ZNF717: variants seen among roughly 807,000 people sequenced by gnomAD.
ZNF717 encodes the protein krueppel-like factor X17.
In ZNF717, 9 loss-of-function variants were observed where a neutral mutation model predicts 13.8. That is an observed-to-expected ratio of 0.65 (90% CI 0.39 to 1.14). The LOEUF is 1.14. ZNF717 is among the 50% of genes most tolerant of loss of function. The pLI, the probability that ZNF717 is intolerant of heterozygous loss-of-function variation, is 0.01. For synonymous variants in ZNF717, 327 were observed against 364.1 expected (o/e 0.90, Z 1.16); for missense variants, 1,040 against 1,080.7 (o/e 0.96, Z 0.53).
chr3:75,782,030 C>T lies in ZNF717; in HGVS notation c.57+1276G>A, dbSNP rs61186626. ...TATCCGGGGCCGAGAGAATTTCGTG[C>T]GTTAGCCATCTCTCAGTCGCTGGCT... On this transcript the variant is annotated intron_variant, in intron 2 of 4. Coordinates refer to ENST00000652011, the MANE Select transcript of ZNF717 (RefSeq NM_001290208.3). 5.9e-5 allele frequency among the ~76,000 whole-genome samples: 9 copies of T among 152,024 alleles called. No homozygotes were observed. In the South Asian group the frequency reaches 1.5e-3, roughly 25 times the overall value.
intron 2 of ZNF717, among the ~76,000 whole-genome samples, chr3:75,753,501 G>A (rs1268019603): frequency 7.1e-6 from 1 of 140,810 alleles, no homozygotes; most frequent in African/African-American, 2.7e-5. Context: ...CTGAATATCT[G>A]TCCGTTACAT....
chr3:75,742,339 A>AG (rs1553665247), intron 2 of ZNF717, among the ~76,000 whole-genome samples: 2,401 of 136,666 alleles, frequency 0.018, 23 homozygotes, highest in East Asian at 0.03. Context: ...AAAAAAAAAA[A>AG]GAATAAAATT....
chr3:75,726,601 G>C, downstream of ZNF717, among the ~76,000 whole-genome samples: 1 of 152,262 alleles, frequency 6.6e-6, no homozygotes, highest in Non-Finnish European at 1.5e-5. Flanking sequence ...CAGTCCCAAG[G>C]ACACAAAGAA....
chr3:75,708,641 A>T (rs6806273), downstream of ZNF717, among the ~76,000 whole-genome samples: 6 of 152,220 alleles, frequency 3.9e-5, no homozygotes, highest in African/African-American at 1.4e-4. Context: ...AGTTGAGAGA[A>T]GAAGGATCCA....
chr3:75,726,080 T>C (rs1938273215), downstream of ZNF717, among the ~76,000 whole-genome samples: 1 of 152,258 alleles, frequency 6.6e-6, no homozygotes, highest in East Asian at 1.9e-4. Flanking sequence ...TTTCATCAAT[T>C]CGTGTCATTA....
At chr3:75,765,688 G>A (rs1486683723) in intron 2 of ZNF717, among the ~76,000 whole-genome samples, 3 of 152,020 alleles carry the variant, frequency 2.0e-5, no homozygotes, top group Non-Finnish European at 2.9e-5. Flanking sequence ...CTGAGATTAC[G>A]AGCATGAGCC....
downstream of ZNF717, among the ~76,000 whole-genome samples, chr3:75,734,720 C>T (rs773935586): frequency 2.5e-3 from 295 of 116,196 alleles, no homozygotes; most frequent in Admixed American, 3.2e-3. Context: ...CAGGCATAAG[C>T]CACCGTACCT....
At chr3:75,783,455 T>C (rs1170155808) in intron 1 of ZNF717, 91 bp from the exon 2 acceptor site, 49 of 1,010,478 alleles carry the variant, frequency 4.8e-5, no homozygotes, top group Admixed American at 1.4e-4. Flanking sequence ...ACACATTACC[T>C]GGAAAAGCCC....
At chr3:75,702,615 GT>G (rs1937718343) in intron 6 of ZNF717, among the ~76,000 whole-genome samples, 1 of 152,308 alleles carries the variant, frequency 6.6e-6, no homozygotes. Context: ...AACTAAAAGA[GT>G]ATAATTGGAT....
chr3:75,733,674 G>A (rs1230153847), downstream of ZNF717, among the ~76,000 whole-genome samples: 2 of 149,272 alleles, frequency 1.3e-5, no homozygotes, highest in Admixed American at 6.8e-5. Context: ...AGCTACTCGG[G>A]AGGCTGAGGC....
chr3:75,757,675 T>C (rs6789355), intron 2 of ZNF717, among the ~76,000 whole-genome samples: 25,388 of 152,196 alleles, frequency 0.17, 2,103 homozygotes, highest in African/African-American at 0.18. Context: ...TTAAAAAATA[T>C]ATTTCATAAA....
intron 1 of ZNF717, among the ~76,000 whole-genome samples, chr3:75,784,567 C>A (rs1440431059): frequency 4.6e-5 from 7 of 152,152 alleles, no homozygotes; most frequent in African/African-American, 1.4e-4. Context: ...TTAATCTTCT[C>A]AGGTATGACA....
exon 6 of ZNF717, chr3:75,709,935 AG>A (rs1340375472): frequency 4.0e-5 from 6 of 151,854 alleles, no homozygotes; most frequent in African/African-American, 1.5e-4. Context: ...ACATTGAGGC[AG>A]GGGGTAATTG....
At chr3:75,752,407 G>A (rs111854819) in intron 2 of ZNF717, among the ~76,000 whole-genome samples, 2 of 107,726 alleles carry the variant, frequency 1.9e-5, no homozygotes, top group Non-Finnish European at 4.4e-5. Flanking sequence ...GGGCCTAAAT[G>A]TCTGTCCCTC....
At position 75,738,230 on chromosome 3, in the gene ZNF717, T is replaced by C. The variant is rs1293399078; in HGVS notation, c.1393A>G (p.Asn465Asp). ...ECGKPFINKS[N>D]LRLHQRTHTG... ...TGAGTTCTCTGATGTAACCTGAGGT[T>C]TGACTTATTGATAAAGGGTTTTCCA... Residue 465 changes from asparagine to aspartate, a missense_variant, in exon 5 of 5, where the codon AAC (asparagine) becomes GAC (aspartate). Physicochemically the swap from Asn to Asp is conservative, Grantham distance 23. Transcript: ENST00000652011. 1.1e-5 allele frequency: 17 copies of C among 1,544,098 alleles called. No homozygotes were observed. The highest frequency in any genetic ancestry group is 1.5e-5 in the Non-Finnish European group (17 of 1,139,896).
chr3:75,767,266 C>CAG (rs1943552923), intron 2 of ZNF717, among the ~76,000 whole-genome samples: 13 of 151,624 alleles, frequency 8.6e-5, no homozygotes, highest in Middle Eastern at 3.4e-3. Context: ...AGTGAGCCAC[C>CAG]CTGCACACCA....
intron 2 of ZNF717, among the ~76,000 whole-genome samples, chr3:75,770,366 C>A (rs1943793461): frequency 6.6e-6 from 1 of 152,104 alleles, no homozygotes; most frequent in Non-Finnish European, 1.5e-5. Flanking sequence ...TTCGAGACCA[C>A]CCTGATCAAA....
At chr3:75,713,342 G>T (rs144570211) in intron 5 of ZNF717, among the ~76,000 whole-genome samples, 1 of 151,486 alleles carries the variant, frequency 6.6e-6, no homozygotes, top group Non-Finnish European at 1.5e-5. Context: ...GTAGAGATGG[G>T]GTTTTACCAT....
downstream of ZNF717, among the ~76,000 whole-genome samples, chr3:75,725,902 C>A (rs961405040): frequency 7.6e-6 from 1 of 132,210 alleles, no homozygotes; most frequent in Non-Finnish European, 1.7e-5. Flanking sequence ...GGACCAAAGG[C>A]CAAGCCTTCC....
Sources: gnomAD v4.1 joint callset for allele counts (sites outside exome capture counted in the v4.1 genomes callset) on GRCh38, gnomAD v4.1.1 for gene constraint, MANE v1.5 for transcripts, NCBI Gene and HGNC (gene_info 2026-07-23, HGNC 2026-07-21) for gene names.